POLR1A: variants seen among roughly 807,000 people sequenced by gnomAD.
POLR1A encodes RNA polymerase I subunit A.
A neutral mutation model predicts 205.3 loss-of-function variants in POLR1A; 84 were observed. The ratio of observed to expected loss-of-function variants is 0.41; its 90% CI spans 0.34 to 0.49. The LOEUF is 0.49. Ranked by LOEUF, POLR1A falls within the 20% of genes least tolerant of loss-of-function variation. POLR1A has a pLI of 0.22. For missense variants in POLR1A, 1,645 were observed against 2,204.5 expected, an observed-to-expected ratio of 0.75 and a Z score of 5.08; for synonymous variants, 799 against 863.7, an observed-to-expected ratio of 0.93 and a Z score of 1.31.
intron 1 of POLR1A, among the ~76,000 whole-genome samples, chr2:86,105,477 C>A (rs1324665345): frequency 1.3e-5 from 2 of 152,120 alleles, no homozygotes; most frequent in African/African-American, 4.8e-5. Flanking sequence ...CCCTTATATT[C>A]CCCTACCTCA....
chr2:86,062,920 A>G (rs539374794), intron 14 of POLR1A, among the ~76,000 whole-genome samples: 1 of 152,374 alleles, frequency 6.6e-6, no homozygotes, highest in South Asian at 2.1e-4. Flanking sequence ...GTGCCTATAA[A>G]TTCAGTAACT....
In POLR1A at chr2:86,027,340, C is replaced by T; in HGVS notation, c.*83G>A. On this transcript the variant is annotated 3_prime_UTR_variant, in exon 34 of 34. Coordinates refer to ENST00000263857, the MANE Select transcript of POLR1A (RefSeq NM_015425.6). The stretch of plus-strand genomic sequence containing the variant: ...TGGAACTGCCCTGGATTCCAGTCTC[C>T]TGGTCCTCTCATGCAGAAGGCAGGC... 1 of 1,100,288 alleles carries T rather than the reference C, an allele frequency of 9.1e-7. No homozygotes were observed. The highest frequency in any genetic ancestry group is 1.7e-5 in the Admixed American group (1 of 59,340). The allele number at this position is 1,100,288 out of a possible 1,614,324, so 68.2% of individuals were successfully genotyped here. A position where few individuals can be genotyped will look rare whatever the true frequency, so the allele number is the denominator to read the frequency against.
chr2:86,043,236 C>G, intron 22 of POLR1A, 41 bp from the exon 23 acceptor site: 2 of 1,519,028 alleles, frequency 1.3e-6, no homozygotes, highest in Non-Finnish European at 1.8e-6. Flanking sequence ...AAATCACACA[C>G]ATGAGATCAA....
chr2:86,092,820 C>G (rs558302999), intron 3 of POLR1A, among the ~76,000 whole-genome samples: 1 of 151,576 alleles, frequency 6.6e-6, no homozygotes, highest in East Asian at 1.9e-4. Flanking sequence ...GTGAGACTCT[C>G]TCTCAAAAAA....
At chr2:86,062,330 A>G (rs1309890563) in intron 14 of POLR1A, among the ~76,000 whole-genome samples, 1 of 152,258 alleles carries the variant, frequency 6.6e-6, no homozygotes, top group African/African-American at 2.4e-5. Flanking sequence ...ATTTGGTACA[A>G]AGGATTTGAA....
chr2:86,090,120 G>A (rs918113166), intron 3 of POLR1A, among the ~76,000 whole-genome samples, 191 bp from the exon 4 acceptor site: 3 of 152,114 alleles, frequency 2.0e-5, no homozygotes, highest in East Asian at 1.9e-4. Flanking sequence ...AAGGTCAGGC[G>A]TGGTGGCTCA....
rs1690240543 is a variant in POLR1A, at chr2:86,025,245, AATCC to A, written c.*2174_*2177del. 6.6e-6 allele frequency: 1 copy of A among 152,232 alleles called. No homozygotes were observed. Among genetic ancestry groups the A allele is most frequent in the African/African-American group, 2.4e-5 (1 of 41,470 alleles). 9.4% of individuals were successfully genotyped at this position (152,232 alleles called of 1,614,324 possible). ...CAACGCAGATTAGTCCATGTTCTTG[AATCC>A]ATCCATCAGATTTGACTTGGGCCTA... On this transcript the variant is annotated 3_prime_UTR_variant, in exon 34 of 34. Coordinates refer to ENST00000263857, the MANE Select transcript of POLR1A (RefSeq NM_015425.6).
intron 5 of POLR1A, 43 bp from the exon 6 acceptor site, chr2:86,088,712 G>T: frequency 6.3e-7 from 1 of 1,599,846 alleles, no homozygotes; most frequent in South Asian, 1.1e-5. Flanking sequence ...AAAAAACCCA[G>T]TAAGATATTT....
intron 16 of POLR1A, among the ~76,000 whole-genome samples, chr2:86,050,244 T>A (rs1175559748): frequency 6.6e-6 from 1 of 152,150 alleles, no homozygotes; most frequent in African/African-American, 2.4e-5. Flanking sequence ...CAACTGTAAG[T>A]GCTACTGGAC....
rs149902714 is a variant in POLR1A at position 86,029,457 on chromosome 2, G to A, written c.4779+739C>T. On this transcript the variant is annotated intron_variant, in intron 31 of 33. Coordinates refer to ENST00000263857, the MANE Select transcript of POLR1A (RefSeq NM_015425.6). The stretch of plus-strand genomic sequence containing the variant: ...TGGAGACACAGCTCAAAGGACAGAT[G>A]AGCTGGTGAGCAGGTGGGACAGGAA... 3.2e-3 allele frequency among the ~76,000 whole-genome samples: 481 copies of A among 152,254 alleles called. 3 individuals are homozygous for A. The highest frequency in any genetic ancestry group is 3.8e-3 in the Non-Finnish European group (261 of 68,014).
At chr2:86,059,992 G>A (rs1213630852) in intron 14 of POLR1A, among the ~76,000 whole-genome samples, 2 of 152,114 alleles carry the variant, frequency 1.3e-5, no homozygotes, top group Non-Finnish European at 1.5e-5. Flanking sequence ...GAACTTGAAG[G>A]ACAGAGATCT....
chr2:86,029,894 C>T (rs1215670736), intron 31 of POLR1A, among the ~76,000 whole-genome samples: 1 of 152,154 alleles, frequency 6.6e-6, no homozygotes, highest in African/African-American at 2.4e-5. Flanking sequence ...ACCACCACGC[C>T]CGGCCCGAGG....
rs1434298477 is a variant in POLR1A, at chr2:86,023,605, T to C, written c.*3818A>G. 1 of 152,120 alleles carries C rather than the reference T, an allele frequency of 6.6e-6. No individual in the cohort carries two copies. Among genetic ancestry groups the C allele is most frequent in the Non-Finnish European group, 1.5e-5 (1 of 68,020 alleles). The allele number at this position is 152,120 out of a possible 1,614,324, so 9.4% of individuals were successfully genotyped here. A position where few individuals can be genotyped will look rare whatever the true frequency, so the allele number is the denominator to read the frequency against. On this transcript the variant is annotated 3_prime_UTR_variant, in exon 34 of 34. Transcript: ENST00000263857. ...GAACAAGGATGTGGAGAAATTGAAATTGTTGTACACCGTTGGTGGGAACAT... is the reference window on the plus strand; with the variant it reads ...GAACAAGGATGTGGAGAAATTGAAACTGTTGTACACCGTTGGTGGGAACAT...
At position 86,044,247 on chromosome 2, in the gene POLR1A, G is replaced by C. The variant is rs1343183522; in HGVS notation, c.3027C>G (p.Asp1009Glu). The change falls in exon 22 of 34, where the codon GAC becomes GAG. Residue 1009 changes from aspartate to glutamate, a missense_variant. Physicochemically the swap from Asp to Glu is conservative, Grantham distance 45. Coordinates refer to ENST00000263857, the MANE Select transcript of POLR1A (RefSeq NM_015425.6). ...LVVQYDLTVR[D>E]SDGSVVQFLY... Reference sequence around the variant, plus strand: ...GGAACTGCACCACACTGCCGTCACTGTCACGGACCGTGAGATCATACTGCA... The same window carrying C: ...GGAACTGCACCACACTGCCGTCACTCTCACGGACCGTGAGATCATACTGCA... 1.9e-6 allele frequency: 3 copies of C among 1,614,048 alleles called. No individual in the cohort carries two copies. Among genetic ancestry groups the C allele is most frequent in the Non-Finnish European group, 1.7e-6 (2 of 1,180,006 alleles).
rs1672304678 is a variant in POLR1A, at chr2:86,028,083, A to G, written c.4898-34T>C. 3 of 1,610,114 alleles carry G rather than the reference A, an allele frequency of 1.9e-6. No homozygotes were observed. Among genetic ancestry groups the G allele is most frequent in the African/African-American group, 1.3e-5 (1 of 74,970 alleles). On this transcript the variant is annotated intron_variant, in intron 32 of 33. Transcript: ENST00000263857. The surrounding 1 kb of genome is among the most constrained non-coding windows in gnomAD (Gnocchi z 4.5). ...CGGGAGGTAAAATTAGGAGGGATTA[A>G]GCAGTGACCACGGGAGCAGTCAGCA... is the stretch of plus-strand genomic sequence containing the variant.
At chr2:86,076,769 G>A (rs944855354) in intron 11 of POLR1A, among the ~76,000 whole-genome samples, 12 of 152,264 alleles carry the variant, frequency 7.9e-5, no homozygotes, top group African/African-American at 2.9e-4. Flanking sequence ...ACAGAGCTGG[G>A]GACACTGTAG....
chr2:86,042,134 G>A (rs753378646), intron 23 of POLR1A, 31 bp from the exon 24 acceptor site: 2 of 1,489,850 alleles, frequency 1.3e-6, no homozygotes, highest in South Asian at 2.3e-5. Context: ...CAGCTATGTG[G>A]GAGGGATACC....
At chr2:86,062,215 C>G (rs1673010396) in intron 14 of POLR1A, among the ~76,000 whole-genome samples, 1 of 152,138 alleles carries the variant, frequency 6.6e-6, no homozygotes, top group South Asian at 2.1e-4. Context: ...CACTCTTGCC[C>G]TTTTCACCTA....
chr2:86,080,939 A>G lies in POLR1A; in HGVS notation c.963T>C (p.Thr321=). The change falls in exon 9 of 34, where the codon ACT becomes ACC. Residue 321 remains threonine (T), a synonymous_variant. Coordinates refer to ENST00000263857, the MANE Select transcript of POLR1A (RefSeq NM_015425.6). The part of the protein sequence containing the change: ...PVSRLGDQMF[T]NGQTVNLQAV... ...CCTGCAAGTTCACCGTCTGGCCATT[A>G]GTAAACATCTGGTCTCCTAGGCGAC... 1.2e-6 allele frequency: 2 copies of G among 1,614,076 alleles called. No individual in the cohort carries two copies. The highest frequency in any genetic ancestry group is 1.7e-6 in the Non-Finnish European group (2 of 1,179,960).
Sources: allele counts gnomAD v4.1 joint callset (sites outside exome capture counted in the v4.1 genomes callset), GRCh38; gene constraint gnomAD v4.1.1; non-coding constraint Gnocchi (gnomAD v3.1); transcripts MANE v1.5; gene names NCBI Gene and HGNC (gene_info 2026-07-23, HGNC 2026-07-21).